Variants in SLC4A10 observed in about 807,000 individuals in gnomAD.
SLC4A10 encodes the protein solute carrier family 4 member 10.
Under a neutral mutation model 137.7 loss-of-function variants are expected in SLC4A10, and 42 were observed. That is an observed-to-expected ratio of 0.30 (90% CI 0.24 to 0.39). SLC4A10 has a LOEUF of 0.39. SLC4A10 is among the 10% of genes least tolerant of loss of function. The pLI is 1.00. For missense variants in SLC4A10, 925 were observed against 1,355.0 expected, an observed-to-expected ratio of 0.68 and a Z score of 4.98; for synonymous variants, 474 against 464.1, an observed-to-expected ratio of 1.02 and a Z score of -0.27.
intron 11 of SLC4A10, among the ~76,000 whole-genome samples, chr2:161,898,308 G>T (rs1160686592): frequency 6.6e-6 from 1 of 152,066 alleles, no homozygotes; most frequent in Non-Finnish European, 1.5e-5. Flanking sequence ...AATGTAAATA[G>T]ACATATGTAG....
chr2:161,823,683 T>A (rs1235251230), intron 3 of SLC4A10, among the ~76,000 whole-genome samples: 1 of 152,234 alleles, frequency 6.6e-6, no homozygotes, highest in African/African-American at 2.4e-5. Context: ...CATAAAAAGA[T>A]GCAGAAACTT....
chr2:161,890,404 C>G (rs1375016768), intron 10 of SLC4A10, among the ~76,000 whole-genome samples: 1 of 151,980 alleles, frequency 6.6e-6, no homozygotes, highest in African/African-American at 2.4e-5. Context: ...AAGTCTCCCA[C>G]TATTATTGTA....
At chr2:161,952,626 C>T (rs1255995296) in intron 19 of SLC4A10, among the ~76,000 whole-genome samples, 1 of 152,172 alleles carries the variant, frequency 6.6e-6, no homozygotes, top group African/African-American at 2.4e-5. Flanking sequence ...ATCATAAACT[C>T]TGCTATATGG....
At chr2:161,827,773 G>A (rs2058116766) in intron 3 of SLC4A10, among the ~76,000 whole-genome samples, 1 of 152,144 alleles carries the variant, frequency 6.6e-6, no homozygotes, top group Non-Finnish European at 1.5e-5. Context: ...CGCCATGTTA[G>A]CCAGGATGGT....
chr2:161,755,688 C>T (rs1338791929), intron 1 of SLC4A10, among the ~76,000 whole-genome samples: 3 of 152,014 alleles, frequency 2.0e-5, no homozygotes, highest in African/African-American at 4.8e-5. Context: ...ATCTTCATCC[C>T]TTTAGAATAC....
intron 1 of SLC4A10, among the ~76,000 whole-genome samples, chr2:161,736,661 C>T (rs7578065): frequency 0.087 from 13,303 of 152,072 alleles, 845 homozygotes; most frequent in African/African-American, 0.18. Flanking sequence ...TAACCTCCAC[C>T]ATGATTCAAT....
chr2:161,857,650 C>T (rs1390497075), intron 5 of SLC4A10, among the ~76,000 whole-genome samples: 2 of 152,038 alleles, frequency 1.3e-5, no homozygotes, highest in Non-Finnish European at 2.9e-5. Flanking sequence ...TTTTTTACTT[C>T]TCCTATTTTC....
chr2:161,760,454 A>G (rs2125355454), intron 1 of SLC4A10, among the ~76,000 whole-genome samples: 1 of 152,156 alleles, frequency 6.6e-6, no homozygotes, highest in East Asian at 1.9e-4. Context: ...GTTTGAGAGA[A>G]GTTTTCTTTC....
intron 1 of SLC4A10, among the ~76,000 whole-genome samples, chr2:161,660,984 A>G (rs1044363670): frequency 6.6e-6 from 1 of 151,980 alleles, no homozygotes; most frequent in African/African-American, 2.4e-5. Flanking sequence ...CTATTAAATT[A>G]GATTTATAAA....
At chr2:161,661,070 G>A (rs993711650) in intron 1 of SLC4A10, among the ~76,000 whole-genome samples, 8 of 152,054 alleles carry the variant, frequency 5.3e-5, no homozygotes, top group South Asian at 2.1e-4. Context: ...ATAGCTTAAC[G>A]ATTTTTAATT....
At chr2:161,636,236 T>G (rs1229296704) in intron 1 of SLC4A10, among the ~76,000 whole-genome samples, 1 of 152,180 alleles carries the variant, frequency 6.6e-6, no homozygotes, top group Non-Finnish European at 1.5e-5. Flanking sequence ...AGTGAGATCA[T>G]GCAGTATTTG....
At chr2:161,676,958 A>G (rs1458952960) in intron 1 of SLC4A10, among the ~76,000 whole-genome samples, 2 of 152,116 alleles carry the variant, frequency 1.3e-5, no homozygotes, top group African/African-American at 4.8e-5. Context: ...TTATTTGATT[A>G]CACAAATTAA....
At chr2:161,875,974 T>G (rs777533111) in intron 8 of SLC4A10, among the ~76,000 whole-genome samples, 23 of 152,226 alleles carry the variant, frequency 1.5e-4, no homozygotes, top group Non-Finnish European at 2.4e-4. Context: ...CTGTTTTTCC[T>G]TTAACTCTTA....
At chr2:161,904,578 T>G (rs1026795723) in intron 13 of SLC4A10, among the ~76,000 whole-genome samples, 198 bp from the exon 14 acceptor site, 5 of 152,182 alleles carry the variant, frequency 3.3e-5, no homozygotes, top group African/African-American at 9.7e-5. Flanking sequence ...AAGAGAACAC[T>G]CCTACCTTTG....
chr2:161,969,615 A>T (rs968160080), intron 23 of SLC4A10, among the ~76,000 whole-genome samples: 2 of 152,148 alleles, frequency 1.3e-5, no homozygotes, highest in African/African-American at 4.8e-5. Flanking sequence ...TTAGTGTTGG[A>T]TAAATCCTAG....
At chr2:161,737,778 A>C (rs2047494604) in intron 1 of SLC4A10, among the ~76,000 whole-genome samples, 1 of 152,178 alleles carries the variant, frequency 6.6e-6, no homozygotes, top group African/African-American at 2.4e-5. Flanking sequence ...GAGTGGGTAG[A>C]GTTCTTTAGA....
At chr2:161,713,409 G>A (rs1332801252) in intron 1 of SLC4A10, among the ~76,000 whole-genome samples, 1 of 151,718 alleles carries the variant, frequency 6.6e-6, no homozygotes, top group Non-Finnish European at 1.5e-5. Context: ...ACAAGGTAGG[G>A]GGTAGAAACA....
chr2:161,723,038 G>A (rs962633718), intron 1 of SLC4A10, among the ~76,000 whole-genome samples: 4 of 152,220 alleles, frequency 2.6e-5, no homozygotes, highest in East Asian at 3.9e-4. Flanking sequence ...AGGGGAAAGC[G>A]GCTGACTGAT....
At chr2:161,926,207 C>A (rs373248644) in intron 15 of SLC4A10, among the ~76,000 whole-genome samples, 2 of 149,976 alleles carry the variant, frequency 1.3e-5, no homozygotes, top group Non-Finnish European at 1.5e-5. Context: ...GTAGGTCACT[C>A]AGGACTTGCT....
Sources: gnomAD v4.1 joint callset for allele counts (sites outside exome capture counted in the v4.1 genomes callset) on GRCh38, gnomAD v4.1.1 for gene constraint, MANE v1.5 for transcripts, NCBI Gene and HGNC (gene_info 2026-07-23, HGNC 2026-07-21) for gene names.